MYBPC3: variants seen among roughly 807,000 people sequenced by gnomAD.
The protein encoded by MYBPC3 is myosin-binding protein C, cardiac-type.
In MYBPC3, 108 loss-of-function variants were observed where a neutral mutation model predicts 159.3. The observed-to-expected ratio is 0.68, with a 90% CI of 0.58 to 0.80. The LOEUF is 0.80. Ranked by LOEUF, MYBPC3 falls within the 30% of genes least tolerant of loss-of-function variation. MYBPC3 has a pLI of 0.00. For synonymous variants in MYBPC3, 730 were observed against 702.0 expected (o/e 1.04, Z -0.63); for missense variants, 1,631 against 1,762.1 (o/e 0.93, Z 1.33).
intron 21 of MYBPC3, 36 bp downstream of exon 21, chr11:47,339,615 T>G: frequency 3.9e-6 from 6 of 1,537,822 alleles, no homozygotes; most frequent in Non-Finnish European, 5.3e-6. Flanking sequence ...CACACCCATC[T>G]TATAGATGGG....
In MYBPC3 at chr11:47,343,165, A is replaced by C. The variant is rs764858439; in HGVS notation, c.1227-20T>G. On this transcript the variant is annotated intron_variant, in intron 14 of 34. Coordinates refer to ENST00000545968, the MANE Select transcript of MYBPC3 (RefSeq NM_000256.3). Reference sequence around the variant, plus strand: ...ATGTACCTGGGTGGGGGCCGCAGGGAAGTGGCAGGAAAGCTGCGGACACCC... The same window carrying C: ...ATGTACCTGGGTGGGGGCCGCAGGGCAGTGGCAGGAAAGCTGCGGACACCC... 6.2e-7 allele frequency: 1 copy of C among 1,606,582 alleles called. No individual in the cohort carries two copies. Among genetic ancestry groups the C allele is most frequent in the South Asian group, 1.1e-5 (1 of 90,196 alleles).
intron 12 of MYBPC3, among the ~76,000 whole-genome samples, chr11:47,344,337 T>A (rs2095892187): frequency 1.3e-5 from 2 of 152,056 alleles, no homozygotes; most frequent in African/African-American, 4.8e-5. Context: ...CTCACTCCCA[T>A]CTCAGCCCCC....
At position 47,333,643 on chromosome 11, in the gene MYBPC3, G is replaced by A; in HGVS notation, c.3104C>T (p.Ala1035Val). ...GTAAGTGCCTGAATGCACGCGGCGA[G>A]CGGCCCGGATGAACAGGATGGTGTC... ...PTDTILFIRA[A>V]RRVHSGTYQV... Residue 1035 changes from alanine (A) to valine (V), a missense_variant, in exon 29 of 35, where the codon GCT becomes GTT. By Grantham distance (64) the Ala-to-Val change is moderately conservative. Coordinates refer to ENST00000545968, the MANE Select transcript of MYBPC3 (RefSeq NM_000256.3). 2 of 1,609,004 alleles carry A rather than the reference G, an allele frequency of 1.2e-6. No homozygotes were observed. Among genetic ancestry groups the A allele is most frequent in the South Asian group, 1.1e-5 (1 of 91,090 alleles).
At position 47,332,226 on chromosome 11, in the gene MYBPC3, G is replaced by A; in HGVS notation, c.3660C>T (p.Asp1220=). 3 of 1,613,852 alleles carry A rather than the reference G, an allele frequency of 1.9e-6. No individual in the cohort carries two copies. The highest frequency in any genetic ancestry group is 1.7e-6 in the Non-Finnish European group (2 of 1,179,876). Residue 1220 remains aspartate (D), a synonymous_variant, in exon 33 of 35, where the codon GAC becomes GAT. Coordinates refer to ENST00000545968, the MANE Select transcript of MYBPC3 (RefSeq NM_000256.3). The surrounding 1 kb of genome is among the most constrained non-coding windows in gnomAD (Gnocchi z 4.2). Reference sequence around the variant, plus strand: ...TGCGGAAGCGGGCGTCTTCTCCCAGGTCCAGGCCATTCTTGAACCAGGAAA... The same window carrying A: ...TGCGGAAGCGGGCGTCTTCTCCCAGATCCAGGCCATTCTTGAACCAGGAAA... ...PKISWFKNGL[D]LGEDARFRMF...
rs910897148 is a variant in MYBPC3 at position 47,346,093 on chromosome 11, A to C, written c.1090+114T>G. ...ATGTATGTGGACGAGGTGGGGGGCT[A>C]ACCTGTGCCCTCTCCTCTCCCCTGT... On this transcript the variant is annotated intron_variant, in intron 12 of 34. Coordinates refer to ENST00000545968, the MANE Select transcript of MYBPC3 (RefSeq NM_000256.3). The surrounding 1 kb of genome is among the most constrained non-coding windows in gnomAD (Gnocchi z 5.3). 1.4e-6 allele frequency: 2 copies of C among 1,423,852 alleles called. No homozygotes were observed. The highest frequency in any genetic ancestry group is 2.1e-5 in the Admixed American group (1 of 47,220). 88.2% of individuals were successfully genotyped at this position (1,423,852 alleles called of 1,614,324 possible).
In MYBPC3 at chr11:47,347,890, C is replaced by G. The variant is rs1417066254; in HGVS notation, c.788G>C (p.Gly263Ala). The G allele has an allele frequency of 6.4e-7, 1 of 1,572,988 alleles. No individual in the cohort carries two copies. The highest frequency in any genetic ancestry group is 2.4e-5 in the East Asian group (1 of 42,464). Residue 263 changes from glycine (G) to alanine (A), a missense_variant, in exon 7 of 35, where the codon GGA (glycine) becomes GCA (alanine). Gly to Ala is a moderately conservative substitution (Grantham distance 60, BLOSUM62 0). Transcript: ENST00000545968. ...GAAGGCTGATAGGAGGTCCAGGTCTCCGGTGCCCATGGCCTCTGGGTTCAA... is the reference window on the plus strand; with the variant it reads ...GAAGGCTGATAGGAGGTCCAGGTCTGCGGTGCCCATGGCCTCTGGGTTCAA... ...NLTVHEAMGTGDLDLLSAFRR... is the reference protein window; with the variant it reads ...NLTVHEAMGTADLDLLSAFRR...
chr11:47,346,887 GCA>G lies in MYBPC3; in HGVS notation c.908+138_908+139del, dbSNP rs2142864809. Reference sequence around the variant, plus strand: ...AGGTGGGTGGCAGGAGAAGCCCAAGGCACAGAGACTCACCCCTGTCCGTGGGG... The same window carrying G: ...AGGTGGGTGGCAGGAGAAGCCCAAGGCAGAGACTCACCCCTGTCCGTGGGG... On this transcript the variant is annotated intron_variant, in intron 10 of 34. Coordinates refer to ENST00000545968, the MANE Select transcript of MYBPC3 (RefSeq NM_000256.3). The surrounding 1 kb of genome is among the most constrained non-coding windows in gnomAD (Gnocchi z 5.3). The G allele has an allele frequency of 7.0e-6, 5 of 718,074 alleles. No individual in the cohort carries two copies. In the South Asian group the frequency reaches 7.3e-5, roughly 10 times the overall value. 44.5% of individuals were successfully genotyped at this position (718,074 alleles called of 1,614,324 possible).
chr11:47,335,380 T>C (rs1175621732), intron 26 of MYBPC3, among the ~76,000 whole-genome samples, 171 bp from the exon 27 acceptor site: 2 of 152,214 alleles, frequency 1.3e-5, no homozygotes, highest in African/African-American at 4.8e-5. Flanking sequence ...CAGGCTGGAG[T>C]GCAATGGCAT....
At chr11:47,347,818 A>C (rs954380093) in intron 7 of MYBPC3, 39 bp downstream of exon 7, 11 of 1,554,018 alleles carry the variant, frequency 7.1e-6, no homozygotes, top group Non-Finnish European at 9.6e-6. Flanking sequence ...CTCAGACTCC[A>C]GCACTGGCCT....
chr11:47,347,570 C>T (rs1595848378), intron 8 of MYBPC3, 81 bp downstream of exon 8: 12 of 1,557,676 alleles, frequency 7.7e-6, no homozygotes, highest in Non-Finnish European at 1.0e-5. Flanking sequence ...GAGAAAGGGA[C>T]ACTAGCCAGA....
At position 47,332,551 on chromosome 11, in the gene MYBPC3, C is replaced by T. The variant is rs1348568232; in HGVS notation, c.3627+15G>A. The T allele has an allele frequency of 1.2e-6, 2 of 1,600,826 alleles. No individual in the cohort carries two copies. The highest frequency in any genetic ancestry group is 3.4e-5 in the Admixed American group (2 of 59,226). On this transcript the variant is annotated intron_variant, in intron 32 of 34. Coordinates refer to ENST00000545968, the MANE Select transcript of MYBPC3 (RefSeq NM_000256.3). The surrounding 1 kb of genome is among the most constrained non-coding windows in gnomAD (Gnocchi z 4.2). The stretch of plus-strand genomic sequence containing the variant: ...GCCTCCTGGTCGGCCTGGACCAGCG[C>T]CTAAAGTTCCCTACCTTGGGGCTAC...
At position 47,347,956 on chromosome 11, in the gene MYBPC3, T is replaced by C. The variant is rs367997552; in HGVS notation, c.773-51A>G. 77 of 1,524,142 alleles carry C rather than the reference T, an allele frequency of 5.1e-5. No homozygotes were observed. In the South Asian group the frequency reaches 8.5e-4, roughly 17 times the overall value. The allele number at this position is 1,524,142 out of a possible 1,614,324, so 94.4% of individuals were successfully genotyped here. A position where few individuals can be genotyped will look rare whatever the true frequency, so the allele number is the denominator to read the frequency against. ...GGGAAGGGGCTTCAGAGGGGGCCGT[T>C]TGAGAAGCCCTGCCCTGGGGGCGGC... On this transcript the variant is annotated intron_variant, in intron 6 of 34. Transcript: ENST00000545968.
chr11:47,338,404 G>T lies in MYBPC3; in HGVS notation c.2308+116C>A. 1.4e-6 allele frequency: 2 copies of T among 1,449,450 alleles called. No individual in the cohort carries two copies. Among genetic ancestry groups the T allele is most frequent in the African/African-American group, 2.8e-5 (2 of 71,660 alleles). The allele number at this position is 1,449,450 out of a possible 1,614,324, so 89.8% of individuals were successfully genotyped here. A position where few individuals can be genotyped will look rare whatever the true frequency, so the allele number is the denominator to read the frequency against. On this transcript the variant is annotated intron_variant, in intron 23 of 34. Transcript: ENST00000545968. This position sits in a 1 kb window ranked among gnomAD's most constrained non-coding sequence, Gnocchi z 4.7. ...GGGCAGAAAAACCTGTCCTGTTGCC[G>T]CTCGGCTCAGGGAGCATGCCCGTGA...
chr11:47,349,656 C>A, intron 5 of MYBPC3, 118 bp downstream of exon 5: 3 of 1,390,102 alleles, frequency 2.2e-6, no homozygotes, highest in Non-Finnish European at 1.9e-6. Context: ...ATTCCCCACA[C>A]CCCTTGCTTG....
intron 23 of MYBPC3, 140 bp from the exon 24 acceptor site, chr11:47,337,934 C>T (rs1019870786): frequency 5.6e-5 from 34 of 609,614 alleles, no homozygotes; most frequent in Non-Finnish European, 8.4e-5. Flanking sequence ...TTCTAGAATG[C>T]ATTTCTTTCT....
At chr11:47,341,294 G>C (rs1312787368) in intron 18 of MYBPC3, 50 bp from the exon 19 acceptor site, 1 of 1,435,728 alleles carries the variant, frequency 7.0e-7, no homozygotes, top group African/African-American at 1.4e-5. Context: ...CACACCCCTG[G>C]CCTTGCCAGA....
intron 5 of MYBPC3, 41 bp from the exon 6 acceptor site, chr11:47,348,582 G>T: frequency 6.6e-7 from 1 of 1,518,494 alleles, no homozygotes; most frequent in Non-Finnish European, 9.0e-7. Context: ...GACACCAGGG[G>T]CCGGGAGACA....
intron 25 of MYBPC3, chr11:47,336,369 C>G: frequency 5.9e-6 from 1 of 168,402 alleles, no homozygotes; most frequent in South Asian, 1.3e-4. Context: ...TGCCTGTAAT[C>G]CCAGCTACTC....
Position 47,350,030 on chromosome 11 carries a change from A to G in MYBPC3, c.489T>C (p.Asp163=), listed in dbSNP as rs2095898862. 1 of 1,561,208 alleles carries G rather than the reference A, an allele frequency of 6.4e-7. No individual in the cohort carries two copies. Among genetic ancestry groups the G allele is most frequent in the Non-Finnish European group, 8.7e-7 (1 of 1,152,820 alleles). Residue 163 remains aspartate, a synonymous_variant, in exon 4 of 35, where the codon GAT becomes GAC. Coordinates refer to ENST00000545968, the MANE Select transcript of MYBPC3 (RefSeq NM_000256.3). ...CACACTCACCCACGGTCACCTCGCC[A>G]TCCTGTGGCCGCATCACGAAGAGGC... ...PIGLFVMRPQ[D]GEVTVGGSIT...
Sources: gnomAD v4.1 joint callset for allele counts (sites outside exome capture counted in the v4.1 genomes callset) on GRCh38, gnomAD v4.1.1 for gene constraint, Gnocchi (gnomAD v3.1) non-coding constraint, MANE v1.5 for transcripts, NCBI Gene and HGNC (gene_info 2026-07-23, HGNC 2026-07-21) for gene names.